MTA3: variants seen among roughly 807,000 people sequenced by gnomAD.
The protein encoded by MTA3 is metastasis associated 1 family member 3, also known as metastasis-associated protein MTA3.
In MTA3, 34 loss-of-function variants were observed where a neutral mutation model predicts 83.5. The observed-to-expected ratio is 0.41, with a 90% CI of 0.31 to 0.54. The LOEUF is 0.54. MTA3 is among the 20% of genes least tolerant of loss of function. MTA3 has a pLI of 0.33. For missense variants in MTA3, 761 were observed against 726.4 expected (o/e 1.05, Z -0.55); for synonymous variants, 303 against 252.7 (o/e 1.20, Z -1.89).
At chr2:42,657,754 C>T (rs938159243) in intron 7 of MTA3, among the ~76,000 whole-genome samples, 1 of 119,294 alleles carries the variant, frequency 8.4e-6, no homozygotes, top group African/African-American at 3.4e-5. Context: ...ATAGTAAGAC[C>T]TCATCTCTTA....
At chr2:42,578,895 A>G (rs866363161) in intron 2 of MTA3, among the ~76,000 whole-genome samples, 2 of 152,146 alleles carry the variant, frequency 1.3e-5, no homozygotes, top group Non-Finnish European at 2.9e-5. Flanking sequence ...TGCCAGTGTT[A>G]TTATATGTTT....
chr2:42,611,322 T>TACACACACACACAC (rs141803741), intron 4 of MTA3, among the ~76,000 whole-genome samples: 203 of 16,084 alleles, frequency 0.013, no homozygotes, highest in Admixed American at 0.035. Context: ...ACTTAACACA[T>TACACACACACACAC]ACACACACAC....
chr2:42,676,902 G>A (rs889949624), intron 8 of MTA3, among the ~76,000 whole-genome samples: 2 of 152,066 alleles, frequency 1.3e-5, no homozygotes, highest in East Asian at 3.8e-4. Flanking sequence ...AACTGAAAAG[G>A]TCCCTAAATG....
At chr2:42,701,384 C>T (rs1157477373) in intron 11 of MTA3, among the ~76,000 whole-genome samples, 1 of 126,530 alleles carries the variant, frequency 7.9e-6, no homozygotes, top group East Asian at 2.3e-4. Flanking sequence ...CCCAGGAACT[C>T]AAGACCAGCC....
chr2:42,738,098 C>CA (rs982192497), intron 16 of MTA3, among the ~76,000 whole-genome samples: 5 of 152,044 alleles, frequency 3.3e-5, no homozygotes, highest in Admixed American at 2.6e-4. Context: ...CTTGTCCCTA[C>CA]AAAAAATACA....
At chr2:42,744,953 T>C (rs1223234879) in intron 16 of MTA3, among the ~76,000 whole-genome samples, 2 of 152,332 alleles carry the variant, frequency 1.3e-5, no homozygotes, top group East Asian at 3.9e-4. Context: ...TGGAAGAATT[T>C]GTCACAGTCT....
chr2:42,509,098 A>G lies in MTA3; in HGVS notation c.-141+13844A>G, dbSNP rs374853031. Among the ~76,000 whole-genome samples the G allele has an allele frequency of 9.2e-5, 14 of 152,000 alleles. No individual in the cohort carries two copies. In the South Asian group the frequency reaches 2.7e-3, roughly 29 times the overall value. On this transcript the variant is annotated intron_variant, in intron 2 of 17. Transcript: ENST00000405592. ...TGCTCTGTCGCCCAGGCTGGAGTGC[A>G]GTGGCGTGATCTTGGCTCACTGCAA...
At chr2:42,739,640 G>A (rs1396528254) in intron 16 of MTA3, among the ~76,000 whole-genome samples, 1 of 152,120 alleles carries the variant, frequency 6.6e-6, no homozygotes, top group African/African-American at 2.4e-5. Flanking sequence ...TTCCTTTCAC[G>A]AAAGATTTCT....
At chr2:42,555,109 A>G (rs1425927062) in intron 2 of MTA3, among the ~76,000 whole-genome samples, 1 of 150,936 alleles carries the variant, frequency 6.6e-6, no homozygotes, top group African/African-American at 2.4e-5. Flanking sequence ...GCCGGGATCT[A>G]TGCTACCGCA....
intron 2 of MTA3, among the ~76,000 whole-genome samples, chr2:42,548,359 A>G (rs1201479049): frequency 6.6e-6 from 1 of 152,132 alleles, no homozygotes; most frequent in African/African-American, 2.4e-5. Flanking sequence ...CCAGCTACTC[A>G]GGAGGCTGAG....
chr2:42,501,338 C>G (rs2103643080), intron 2 of MTA3, among the ~76,000 whole-genome samples: 1 of 152,240 alleles, frequency 6.6e-6, no homozygotes, highest in East Asian at 1.9e-4. Context: ...ATCTTTCTTC[C>G]TTTCCTAGTA....
chr2:42,651,200 C>T lies in MTA3; in HGVS notation c.500-5000C>T, dbSNP rs139224322. ...AGTGGTGCACCCACTGTGTAGGGCA[C>T]TTACTGTGAATGGAGCTTGCAGCAC... On this transcript the variant is annotated intron_variant, in intron 6 of 16. Transcript: ENST00000405094. 4.2e-4 allele frequency among the ~76,000 whole-genome samples: 64 copies of T among 152,262 alleles called. No individual in the cohort carries two copies. In the East Asian group the frequency reaches 0.012, roughly 28 times the overall value.
intron 16 of MTA3, among the ~76,000 whole-genome samples, chr2:42,730,471 A>G (rs1348362501): frequency 6.6e-6 from 1 of 152,236 alleles, no homozygotes; most frequent in African/African-American, 2.4e-5. Context: ...AATTAAAATA[A>G]TCAGATGGTT....
At chr2:42,626,157 A>G (rs1686065802) in intron 4 of MTA3, among the ~76,000 whole-genome samples, 1 of 149,984 alleles carries the variant, frequency 6.7e-6, no homozygotes, top group South Asian at 2.1e-4. Flanking sequence ...GTTAGCCAGG[A>G]TGGTCTCGAT....
At chr2:42,616,376 A>G (rs1204422672) in intron 4 of MTA3, among the ~76,000 whole-genome samples, 1 of 143,684 alleles carries the variant, frequency 7.0e-6, no homozygotes, top group Admixed American at 6.9e-5. Context: ...AGGTGGTTCT[A>G]TTTAGAGTTC....
intron 4 of MTA3, among the ~76,000 whole-genome samples, chr2:42,621,026 C>T (rs1302223445): frequency 6.6e-6 from 1 of 151,308 alleles, no homozygotes; most frequent in Non-Finnish European, 1.5e-5. Flanking sequence ...TCATGTTGTA[C>T]ACTGTAAATA....
At chr2:42,698,691 C>G (rs982808775) in intron 11 of MTA3, among the ~76,000 whole-genome samples, 1 of 151,994 alleles carries the variant, frequency 6.6e-6, no homozygotes, top group Non-Finnish European at 1.5e-5. Flanking sequence ...TAATAACTAG[C>G]CTTTTGTTTC....
chr2:42,566,307 T>G (rs1277331340), upstream of MTA3, among the ~76,000 whole-genome samples: 1 of 152,174 alleles, frequency 6.6e-6, no homozygotes, highest in Non-Finnish European at 1.5e-5. Flanking sequence ...TGTGTGAACC[T>G]CTCTGGAATT....
intron 7 of MTA3, 86 bp downstream of exon 7, chr2:42,656,388 T>A: frequency 1.4e-6 from 1 of 737,700 alleles, no homozygotes; most frequent in South Asian, 2.7e-5. Flanking sequence ...TTCTTTGTAT[T>A]CTGCTTTTCT....
Sources: allele counts gnomAD v4.1 joint callset (sites outside exome capture counted in the v4.1 genomes callset), GRCh38; gene constraint gnomAD v4.1.1; transcripts MANE v1.5; gene names NCBI Gene and HGNC (gene_info 2026-07-23, HGNC 2026-07-21).